Variants in ALDH1A2 observed in about 807,000 individuals in gnomAD.
ALDH1A2 encodes aldehyde dehydrogenase 1 family member A2.
A neutral mutation model predicts 60.3 loss-of-function variants in ALDH1A2; 27 were observed. The observed-to-expected ratio is 0.45, with a 90% confidence interval of 0.33 to 0.62. The LOEUF (loss-of-function observed/expected upper bound fraction) is 0.62, where lower values mean the gene tolerates loss of function less well. ALDH1A2 is among the 20% of genes least tolerant of loss of function. The pLI is 0.02. For synonymous variants in ALDH1A2, 289 were observed against 232.4 expected (o/e 1.24, Z -2.21); for missense variants, 581 against 643.8 (o/e 0.90, Z 1.06).
At chr15:58,058,468 CAAAAAAAA>C (rs1188637852) in intron 1 of ALDH1A2, among the ~76,000 whole-genome samples, 2 of 23,566 alleles carry the variant, frequency 8.5e-5, no homozygotes, top group African/African-American at 1.3e-4. Context: ...AAATGATATT[CAAAAAAAA>C]AAAAAAAAAA....
chr15:57,971,602 AT>A (rs1247321877), intron 7 of ALDH1A2, among the ~76,000 whole-genome samples: 1 of 151,902 alleles, frequency 6.6e-6, no homozygotes, highest in Non-Finnish European at 1.5e-5. Flanking sequence ...AAAAAAAAAA[AT>A]TGGTACAGAC....
At chr15:58,007,107 T>G (rs1254354303) in intron 4 of ALDH1A2, among the ~76,000 whole-genome samples, 2 of 151,852 alleles carry the variant, frequency 1.3e-5, no homozygotes, top group African/African-American at 4.8e-5. Context: ...TCAGTGTTCA[T>G]AAATCAACAA....
At chr15:58,050,588 A>C (rs1338888565) in intron 1 of ALDH1A2, among the ~76,000 whole-genome samples, 2 of 152,170 alleles carry the variant, frequency 1.3e-5, no homozygotes, top group African/African-American at 4.8e-5. Flanking sequence ...AAACTAAGAC[A>C]AATTCCATTT....
intron 1 of ALDH1A2, chr15:58,014,648 C>A (rs1595667973): frequency 2.4e-6 from 1 of 417,188 alleles, no homozygotes; most frequent in Non-Finnish European, 4.7e-6. Flanking sequence ...ATCAAACTTA[C>A]AGTCATCAAG....
intron 7 of ALDH1A2, among the ~76,000 whole-genome samples, chr15:57,977,284 T>G: frequency 6.6e-6 from 1 of 152,206 alleles, no homozygotes. Context: ...TTTTGGCCAT[T>G]GCCTTTGGTG....
At chr15:57,958,392 TAAGG>T (rs1566927435) in intron 12 of ALDH1A2, among the ~76,000 whole-genome samples, 2 of 152,116 alleles carry the variant, frequency 1.3e-5, no homozygotes, top group African/African-American at 4.8e-5. Flanking sequence ...GGGAGTTTGA[TAAGG>T]AAGTAAGAAA....
In ALDH1A2 at chr15:57,993,070, T is replaced by C; in HGVS notation, c.559A>G (p.Asn187Asp). 6.2e-7 allele frequency: 1 copy of C among 1,612,240 alleles called. No homozygotes were observed. The highest frequency in any genetic ancestry group is 8.5e-7 in the Non-Finnish European group (1 of 1,179,904). Residue 187 changes from asparagine (N) to aspartate (D), a missense_variant, in exon 6 of 13, where the codon AAC becomes GAC. Around this residue, in one of 2 missense-constraint regions of ALDH1A2, gnomAD observed 375 missense variants for 469.7 expected, o/e 0.80. Transcript: ENST00000249750. ...IGVCGQIIPW[N>D]FPLLMFAWKI... Reference sequence around the variant, plus strand: ...CAGGCAAACATCAGCAGGGGGAAGTTCCACTGAAAGGAAAAAACTCAAAGT... The same window carrying C: ...CAGGCAAACATCAGCAGGGGGAAGTCCCACTGAAAGGAAAAAACTCAAAGT...
intron 9 of ALDH1A2, 52 bp downstream of exon 9, chr15:57,963,833 C>G (rs1449711764): frequency 2.6e-5 from 42 of 1,597,182 alleles, no homozygotes; most frequent in South Asian, 1.5e-4. Context: ...GTACACAGTT[C>G]TGTGCCAGTC....
At chr15:57,996,360 T>C (rs561883357) in intron 4 of ALDH1A2, among the ~76,000 whole-genome samples, 3 of 151,956 alleles carry the variant, frequency 2.0e-5, no homozygotes, top group African/African-American at 7.2e-5. Flanking sequence ...GGATCTCTGA[T>C]CTCTACCCCC....
At chr15:58,024,123 A>C (rs2140530702) in intron 1 of ALDH1A2, among the ~76,000 whole-genome samples, 1 of 152,234 alleles carries the variant, frequency 6.6e-6, no homozygotes, top group South Asian at 2.1e-4. Flanking sequence ...TTAACTCTGA[A>C]ATATGGAAGT....
At chr15:58,023,618 C>A (rs1895992955) in intron 1 of ALDH1A2, among the ~76,000 whole-genome samples, 1 of 136,432 alleles carries the variant, frequency 7.3e-6, no homozygotes, top group South Asian at 2.2e-4. Context: ...AGAAACCTTA[C>A]AGGCCAGAAG....
chr15:58,048,100 G>C (rs1358927650), intron 1 of ALDH1A2, among the ~76,000 whole-genome samples: 9 of 151,874 alleles, frequency 5.9e-5, no homozygotes, highest in East Asian at 3.9e-4. Flanking sequence ...TGAAAGTCAG[G>C]AAAAAGGAAA....
chr15:58,014,222 A>T lies in ALDH1A2; in HGVS notation c.177T>A (p.Asn59Lys). The T allele has an allele frequency of 6.2e-7, 1 of 1,614,066 alleles. No homozygotes were observed. The highest frequency in any genetic ancestry group is 8.5e-7 in the Non-Finnish European group (1 of 1,179,970). Residue 59 changes from asparagine (N) to lysine (K), a missense_variant, in exon 2 of 13, where the codon AAT becomes AAA. Asn to Lys is a moderately conservative substitution (Grantham distance 94, BLOSUM62 0). Coordinates refer to ENST00000249750, the MANE Select transcript of ALDH1A2 (RefSeq NM_003888.4). ...SESGRVFPVY[N>K]PATGEQVCEV... is the part of the protein sequence containing the mutation. The stretch of plus-strand genomic sequence containing the variant: ...CACACACCTGTTCTCCTGTGGCTGG[A>T]TTATAGACAGGGAACACTCTCCCAC...
intron 4 of ALDH1A2, among the ~76,000 whole-genome samples, chr15:57,996,183 T>G (rs1895054302): frequency 6.6e-6 from 1 of 152,084 alleles, no homozygotes; most frequent in African/African-American, 2.4e-5. Flanking sequence ...AGAAGCGATA[T>G]GAATCAGATT....
chr15:57,992,287 T>C (rs1478448716), intron 7 of ALDH1A2, among the ~76,000 whole-genome samples: 1 of 152,186 alleles, frequency 6.6e-6, no homozygotes. Flanking sequence ...CTCTATATCA[T>C]CTCTTAAGGT....
At chr15:58,027,557 T>G (rs772473910) in intron 1 of ALDH1A2, among the ~76,000 whole-genome samples, 1 of 152,136 alleles carries the variant, frequency 6.6e-6, no homozygotes, top group Admixed American at 6.5e-5. Flanking sequence ...GTTTGATGAG[T>G]TGACAGAAGT....
chr15:58,040,260 C>A (rs1896483841), intron 1 of ALDH1A2, among the ~76,000 whole-genome samples: 2 of 151,856 alleles, frequency 1.3e-5, no homozygotes, highest in South Asian at 2.1e-4. Context: ...GAATCCACAG[C>A]TGAAGAGGCA....
At chr15:58,024,028 G>A (rs774001508) in intron 1 of ALDH1A2, among the ~76,000 whole-genome samples, 1 of 152,208 alleles carries the variant, frequency 6.6e-6, no homozygotes, top group Non-Finnish European at 1.5e-5. Context: ...GGGAGGTGGA[G>A]GTTGCAGTGA....
intron 7 of ALDH1A2, among the ~76,000 whole-genome samples, chr15:57,977,993 T>C (rs562225991): frequency 3.3e-5 from 5 of 152,298 alleles, no homozygotes; most frequent in East Asian, 1.9e-4. Flanking sequence ...ACTTGGTTGT[T>C]TGTCTATTAT....
Sources: allele counts gnomAD v4.1 joint callset (sites outside exome capture counted in the v4.1 genomes callset), GRCh38; gene constraint gnomAD v4.1.1; regional missense constraint gnomAD v4.1.1; transcripts MANE v1.5; gene names NCBI Gene and HGNC (gene_info 2026-07-23, HGNC 2026-07-21).